Variants in GALNT3 observed in about 807,000 individuals in gnomAD.
GALNT3 encodes the protein GalNAc transferase 3.
GALNT3 carries 51 observed loss-of-function variants against 69.8 expected under a neutral mutation model. That is an observed-to-expected ratio of 0.73 (90% CI 0.58 to 0.92). The LOEUF (loss-of-function observed/expected upper bound fraction) is 0.92. Ranked by LOEUF, GALNT3 falls within the 40% of genes least tolerant of loss-of-function variation. The pLI is 0.00. For missense variants in GALNT3, 711 were observed against 760.0 expected, an observed-to-expected ratio of 0.94 and a Z score of 0.76; for synonymous variants, 265 against 248.5, an observed-to-expected ratio of 1.07 and a Z score of -0.63.
chr2:165,770,028 C>A, intron 2 of GALNT3, 158 bp downstream of exon 2: 2 of 836,438 alleles, frequency 2.4e-6, no homozygotes, highest in Non-Finnish European at 3.9e-6. Flanking sequence ...TAGCCTCAAT[C>A]ATTATAAGCA....
chr2:165,776,263 A>G (rs546591373), intron 1 of GALNT3, among the ~76,000 whole-genome samples: 5 of 152,170 alleles, frequency 3.3e-5, no homozygotes, highest in Non-Finnish European at 5.9e-5. Flanking sequence ...ACGTAAAAAC[A>G]GCTCGTGAAA....
At chr2:165,782,254 G>T (rs988183774) in intron 1 of GALNT3, among the ~76,000 whole-genome samples, 2 of 152,012 alleles carry the variant, frequency 1.3e-5, no homozygotes, top group Non-Finnish European at 2.9e-5. Flanking sequence ...CTATCACATG[G>T]TCCTCTCTCT....
intron 4 of GALNT3, chr2:165,761,606 AAAG>A (rs1688548366): frequency 3.3e-6 from 2 of 605,634 alleles, no homozygotes; most frequent in Non-Finnish European, 5.8e-6. Context: ...TTTTAACAGA[AAAG>A]AAACATGGAA....
intron 1 of GALNT3, among the ~76,000 whole-genome samples, chr2:165,777,542 G>C (rs1267408684): frequency 6.6e-6 from 1 of 152,324 alleles, no homozygotes; most frequent in South Asian, 2.1e-4. Flanking sequence ...GAACAGAGGA[G>C]TGGCAGAAAG....
intron 1 of GALNT3, among the ~76,000 whole-genome samples, chr2:165,789,084 A>C (rs77576288): frequency 0.1 from 15,807 of 152,240 alleles, 1,292 homozygotes; most frequent in East Asian, 0.34. Flanking sequence ...AAAGGTATAA[A>C]ATGTTAAGTG....
Position 165,764,903 on chromosome 2 carries a change from C to T in GALNT3, c.669G>A (p.Val223=), listed in dbSNP as rs13423840. The change falls in exon 3 of 11, where the codon GTG becomes GTA. Residue 223 remains valine (V), a synonymous_variant. Coordinates refer to ENST00000392701, the MANE Select transcript of GALNT3 (RefSeq NM_004482.4). ...TCTTACCATCTACACTAGCATCATC[C>T]ACCAAAATGATTTCCTTCAGCAGTA... ...PAILLKEIIL[V]DDASVDEYLH... is the part of the protein sequence containing the mutation. 1.4e-3 allele frequency: 2,241 copies of T among 1,614,156 alleles called. 28 individuals carry two copies. In the African/African-American group the frequency reaches 0.025, roughly 18 times the overall value.
intron 1 of GALNT3, among the ~76,000 whole-genome samples, chr2:165,790,499 T>C (rs1386057642): frequency 6.6e-6 from 1 of 152,218 alleles, no homozygotes; most frequent in Admixed American, 6.5e-5. Flanking sequence ...TCCTTTTCAA[T>C]AGGATTTTAT....
chr2:165,792,212 C>A (rs1370279858), intron 1 of GALNT3, among the ~76,000 whole-genome samples: 1 of 152,154 alleles, frequency 6.6e-6, no homozygotes, highest in Non-Finnish European at 1.5e-5. Flanking sequence ...GTTTTGTTAT[C>A]TTAATCTAGG....
intron 8 of GALNT3, 96 bp from the exon 9 acceptor site, chr2:165,754,824 T>G: frequency 7.1e-7 from 1 of 1,400,630 alleles, no homozygotes. Context: ...GATTATAATG[T>G]AAAATCTCAA....
At position 165,759,542 on chromosome 2, in the gene GALNT3, A is replaced by G. The variant is rs1431042586; in HGVS notation, c.867T>C (p.Pro289=). 3 of 1,613,926 alleles carry G rather than the reference A, an allele frequency of 1.9e-6. No homozygotes were observed. Among genetic ancestry groups the G allele is most frequent in the Admixed American group, 3.3e-5 (2 of 60,012 alleles). ...HCECFYGWLE[P]LLARIAENYT... ...AGTTCTCAGCTATTCTGGCCAACAG[A>G]GGTTCTAGCCAACCATAGAAACACT... Residue 289 remains proline, a synonymous_variant, in exon 5 of 11, where the codon CCT becomes CCC. Transcript: ENST00000392701.
intron 2 of GALNT3, among the ~76,000 whole-genome samples, chr2:165,768,333 G>A (rs1230478064): frequency 6.6e-6 from 1 of 152,108 alleles, no homozygotes; most frequent in Admixed American, 6.5e-5. Flanking sequence ...AGCTCATTTT[G>A]AGCTGTCACT....
intron 1 of GALNT3, among the ~76,000 whole-genome samples, chr2:165,787,222 C>G (rs1286303020): frequency 6.6e-6 from 1 of 152,200 alleles, no homozygotes; most frequent in Non-Finnish European, 1.5e-5. Context: ...AATTTGAAGA[C>G]TGCATGTTAA....
intron 1 of GALNT3, among the ~76,000 whole-genome samples, chr2:165,791,255 C>CTG (rs71913828): frequency 0.16 from 22,959 of 147,256 alleles, 1,725 homozygotes; most frequent in East Asian, 0.21. Context: ...GGGTGTGTGC[C>CTG]TGTGTGTGTG....
intron 8 of GALNT3, 61 bp downstream of exon 8, chr2:165,754,871 A>G: frequency 6.4e-7 from 1 of 1,568,926 alleles, no homozygotes; most frequent in Non-Finnish European, 8.8e-7. Context: ...TTTTCTTAGA[A>G]CCACATAAAG....
At chr2:165,775,768 AT>A (rs1688835720) in intron 1 of GALNT3, among the ~76,000 whole-genome samples, 3 of 152,204 alleles carry the variant, frequency 2.0e-5, no homozygotes, top group Admixed American at 2.0e-4. Context: ...TCTCCAGATA[AT>A]TCTAACAAGC....
rs150946179 is a variant in GALNT3 at position 165,791,183 on chromosome 2, A to G, written c.-109+2832T>C. On this transcript the variant is annotated intron_variant, in intron 1 of 10. Transcript: ENST00000392701. Reference sequence around the variant, plus strand: ...GTCCTGGAGCCTCAAGCCCTACAATACATGTTTAATTAGGATTACAGTAAA... The same window carrying G: ...GTCCTGGAGCCTCAAGCCCTACAATGCATGTTTAATTAGGATTACAGTAAA... 6.6e-3 allele frequency among the ~76,000 whole-genome samples: 1,004 copies of G among 152,206 alleles called. 9 individuals are homozygous for G. The highest frequency in any genetic ancestry group is 0.023 in the African/African-American group (973 of 41,544).
intron 4 of GALNT3, among the ~76,000 whole-genome samples, chr2:165,760,665 CTGAATG>C (rs1688529289): frequency 6.6e-6 from 1 of 152,170 alleles, no homozygotes; most frequent in Non-Finnish European, 1.5e-5. Flanking sequence ...TAAAAGAGAA[CTGAATG>C]TGATGGCTCT....
In GALNT3 at chr2:165,753,213, G is replaced by A. The variant is rs74732962; in HGVS notation, c.1626+1414C>T. 8.2e-3 allele frequency among the ~76,000 whole-genome samples: 1,247 copies of A among 152,096 alleles called. 14 individuals carry two copies. Among genetic ancestry groups the A allele is most frequent in the African/African-American group, 0.028 (1,152 of 41,476 alleles). On this transcript the variant is annotated intron_variant, in intron 9 of 10. Transcript: ENST00000392701. ...CCTAAAACTGACATCTCAAAGTTTC[G>A]TCCCATTAAAATAGGACATCATGGA...
rs1205719589 is a variant in GALNT3 at position 165,748,995 on chromosome 2, C to A, written c.1780-92G>T. 18 of 1,305,132 alleles carry A rather than the reference C, an allele frequency of 1.4e-5. 1 individual carries two copies. Among genetic ancestry groups the A allele is most frequent in the Non-Finnish European group, 1.9e-5 (18 of 930,338 alleles). The allele number at this position is 1,305,132 out of a possible 1,614,324, so 80.8% of individuals were successfully genotyped here. ...GATTTTATGGTTTCATTGAAGCAAA[C>A]CTAATAGCAAATCTTTCTAAGGTGA... On this transcript the variant is annotated intron_variant, in intron 10 of 10. Coordinates refer to ENST00000392701, the MANE Select transcript of GALNT3 (RefSeq NM_004482.4).
Sources: allele counts gnomAD v4.1 joint callset (sites outside exome capture counted in the v4.1 genomes callset), GRCh38; gene constraint gnomAD v4.1.1; transcripts MANE v1.5; gene names NCBI Gene and HGNC (gene_info 2026-07-23, HGNC 2026-07-21).